Variants in ISOC1 observed in about 807,000 individuals in gnomAD.
ISOC1 encodes isochorismatase domain containing 1.
In ISOC1, 33 loss-of-function variants were observed where a neutral mutation model predicts 30.0. That is an observed-to-expected ratio of 1.10 (90% CI 0.83 to 1.47). The LOEUF (loss-of-function observed/expected upper bound fraction) is 1.47. ISOC1 is among the 40% of genes most tolerant of loss of function. The pLI, the probability that ISOC1 is intolerant of heterozygous loss-of-function variation, is 0.00. For synonymous variants in ISOC1, 178 were observed against 159.8 expected, an observed-to-expected ratio of 1.11 and a Z score of -0.86; for missense variants, 372 against 388.0, an observed-to-expected ratio of 0.96 and a Z score of 0.35.
rs1336800287 is a variant in ISOC1 at position 129,107,069 on chromosome 5, GT to G, written c.750+8del. On this transcript the variant is annotated splice_region_variant and intron_variant, in intron 4 of 4. Coordinates refer to ENST00000173527, the MANE Select transcript of ISOC1 (RefSeq NM_016048.2). ...CAGGATGTTTGCCCTCGAGGTAATTGTCCTGCTTGGGAATAGATCATTTGTC... is the reference window on the plus strand; with the variant it reads ...CAGGATGTTTGCCCTCGAGGTAATTGCCTGCTTGGGAATAGATCATTTGTC... The G allele has an allele frequency of 1.9e-6, 3 of 1,598,260 alleles. No homozygotes were observed. Among genetic ancestry groups the G allele is most frequent in the Non-Finnish European group, 2.6e-6 (3 of 1,166,014 alleles).
At chr5:129,101,703 T>C (rs547396238) in intron 1 of ISOC1, among the ~76,000 whole-genome samples, 2 of 152,326 alleles carry the variant, frequency 1.3e-5, no homozygotes, top group African/African-American at 4.8e-5. Flanking sequence ...GGTACGTTAC[T>C]ATTAACTAAA....
intron 1 of ISOC1, among the ~76,000 whole-genome samples, chr5:129,096,998 A>T (rs376308436): frequency 6.6e-6 from 1 of 152,192 alleles, no homozygotes; most frequent in African/African-American, 2.4e-5. Context: ...AAGGCGTTAT[A>T]TAATTCTGGT....
At position 129,100,508 on chromosome 5, in the gene ISOC1, A is replaced by G. The variant is rs530785538; in HGVS notation, c.310-4448A>G. 2.6e-5 allele frequency among the ~76,000 whole-genome samples: 4 copies of G among 152,228 alleles called. No individual in the cohort carries two copies. The East Asian group carries it at 7.7e-4, about 29-fold the overall frequency. Reference sequence around the variant, plus strand: ...CGAAGGTGTGTGGATACATATATTTATATGTGATTTGTTTATATTCCTTAA... The same window carrying G: ...CGAAGGTGTGTGGATACATATATTTGTATGTGATTTGTTTATATTCCTTAA... On this transcript the variant is annotated intron_variant, in intron 1 of 4. Transcript: ENST00000173527.
In ISOC1 at chr5:129,095,075, G is replaced by C. The variant is rs1203405790; in HGVS notation, c.309G>C (p.Gln103His). ...CKVRLVPLQI[Q>H]LTTLGNLTPS... is the part of the protein sequence containing the mutation. ...TGCGCCTCGTGCCGTTGCAGATCCA[G>C]GTGGGTCCTGCGGGAGGCCGCGCGC... The change falls in exon 1 of 5, where the codon CAG (glutamine) becomes CAC (histidine). Residue 103 changes from glutamine to histidine, a missense_variant and splice_region_variant. Transcript: ENST00000173527. The C allele has an allele frequency of 6.4e-7, 1 of 1,562,104 alleles. No individual in the cohort carries two copies. The highest frequency in any genetic ancestry group is 8.6e-7 in the Non-Finnish European group (1 of 1,158,764).
rs1156603818 is a variant in ISOC1 at position 129,101,161 on chromosome 5, C to CAAAAAAAAAA, written c.310-3772_310-3763dup. On this transcript the variant is annotated intron_variant, in intron 1 of 4. Transcript: ENST00000173527. ...AGCTGGGCCACCAAGCTCAGCTAAT[C>CAAAAAAAAAA]AAAAAAAAAAAAAAAAAAAAAAAAA... Among the ~76,000 whole-genome samples the CAAAAAAAAAA allele has an allele frequency of 7.7e-4, 15 of 19,502 alleles. 1 individual carries two copies. Among genetic ancestry groups the CAAAAAAAAAA allele is most frequent in the Admixed American group, 1.1e-3 (1 of 906 alleles). 12.8% of individuals were successfully genotyped at this position (19,502 alleles called of 152,430 possible). A position where few individuals can be genotyped will look rare whatever the true frequency, so the allele number is the denominator to read the frequency against.
At position 129,112,969 on chromosome 5, in the gene ISOC1, G is replaced by A; in HGVS notation, c.865G>A (p.Ala289Thr). The stretch of plus-strand genomic sequence containing the variant: ...AATTCAGAATCTAATTAAGGCGAGT[G>A]CTCCAGAGTCGGGTCTGCTTTCCAA... The part of the protein sequence containing the change: ...KEIQNLIKAS[A>T]PESGLLSKV The change falls in exon 5 of 5, where the codon GCT becomes ACT. Residue 289 changes from alanine (A) to threonine (T), a missense_variant. Ala to Thr is a moderately conservative substitution (Grantham distance 58). Transcript: ENST00000173527. The A allele has an allele frequency of 6.2e-7, 1 of 1,613,586 alleles. No individual in the cohort carries two copies. Among genetic ancestry groups the A allele is most frequent in the Middle Eastern group, 1.7e-4 (1 of 6,050 alleles).
intron 4 of ISOC1, among the ~76,000 whole-genome samples, chr5:129,108,388 C>G (rs1018097259): frequency 2.0e-5 from 3 of 152,090 alleles, no homozygotes; most frequent in African/African-American, 7.2e-5. Context: ...ACTGAGATTA[C>G]AAATAGAAAT....
chr5:129,106,870 A>T, intron 3 of ISOC1, 76 bp from the exon 4 acceptor site: 3 of 1,014,306 alleles, frequency 3.0e-6, no homozygotes, highest in Admixed American at 1.9e-5. Context: ...TGTCTGCTTT[A>T]TCATGTTGTT....
At chr5:129,108,447 C>G (rs1188877014) in intron 4 of ISOC1, among the ~76,000 whole-genome samples, 1 of 151,740 alleles carries the variant, frequency 6.6e-6, no homozygotes, top group Admixed American at 6.6e-5. Flanking sequence ...ATTAGATTAT[C>G]TGGTAGTTAG....
At chr5:129,106,459 A>G (rs1482354919) in intron 3 of ISOC1, among the ~76,000 whole-genome samples, 2 of 152,130 alleles carry the variant, frequency 1.3e-5, no homozygotes, top group African/African-American at 2.4e-5. Context: ...TTCCCGTGTC[A>G]TAAGTTATTT....
At chr5:129,105,469 T>G (rs1753625942) in intron 3 of ISOC1, 81 bp downstream of exon 3, 438 of 1,178,698 alleles carry the variant, frequency 3.7e-4, no homozygotes, top group Non-Finnish European at 4.9e-4. Flanking sequence ...TCATATATGG[T>G]ATGCCAGGTA....
At chr5:129,098,773 G>A (rs940543613) in intron 1 of ISOC1, among the ~76,000 whole-genome samples, 5 of 152,074 alleles carry the variant, frequency 3.3e-5, no homozygotes, top group African/African-American at 1.2e-4. Context: ...TAACTGGCAG[G>A]GCATTTTGCT....
At chr5:129,111,348 G>A (rs538676407) in intron 4 of ISOC1, among the ~76,000 whole-genome samples, 75 of 151,722 alleles carry the variant, frequency 4.9e-4, no homozygotes, top group Non-Finnish European at 8.4e-4. Flanking sequence ...TTTCTGTACT[G>A]GTCATTAAGG....
intron 4 of ISOC1, among the ~76,000 whole-genome samples, chr5:129,107,364 C>A (rs1329724234): frequency 6.6e-6 from 1 of 152,112 alleles, no homozygotes; most frequent in Non-Finnish European, 1.5e-5. Flanking sequence ...AGAAGCCTAA[C>A]CTAAACTGTT....
intron 1 of ISOC1, among the ~76,000 whole-genome samples, chr5:129,096,346 T>G (rs1202138544): frequency 6.6e-6 from 1 of 152,226 alleles, no homozygotes; most frequent in Non-Finnish European, 1.5e-5. Flanking sequence ...TTCTGAGGAT[T>G]ATTCCCTAGT....
chr5:129,111,167 C>T (rs957313048), intron 4 of ISOC1, among the ~76,000 whole-genome samples: 3 of 152,142 alleles, frequency 2.0e-5, no homozygotes, highest in African/African-American at 7.2e-5. Context: ...ATTAGGGCTT[C>T]CAGAAGTCTT....
chr5:129,112,824 T>G, intron 4 of ISOC1, 31 bp from the exon 5 acceptor site: 1 of 1,605,278 alleles, frequency 6.2e-7, no homozygotes, highest in Non-Finnish European at 8.5e-7. Context: ...TCATGCTTAT[T>G]TCTTGATTTG....
intron 1 of ISOC1, 48 bp downstream of exon 1, chr5:129,095,123 C>CGTCCCCGTCCCT (rs760295163): frequency 4.7e-4 from 692 of 1,479,352 alleles, no homozygotes; most frequent in Non-Finnish European, 6.0e-4. Flanking sequence ...GAGTCGTCCC[C>CGTCCCCGTCCCT]GTCCCCGTCC....
At chr5:129,109,685 T>A (rs1374978701) in intron 4 of ISOC1, among the ~76,000 whole-genome samples, 1 of 152,296 alleles carries the variant, frequency 6.6e-6, no homozygotes, top group African/African-American at 2.4e-5. Context: ...CCTGCCATAT[T>A]GCAGATTTTT....
Sources: allele counts gnomAD v4.1 joint callset (sites outside exome capture counted in the v4.1 genomes callset), GRCh38; gene constraint gnomAD v4.1.1; transcripts MANE v1.5; gene names NCBI Gene and HGNC (gene_info 2026-07-23, HGNC 2026-07-21).